KMT2C: variants seen among roughly 807,000 people sequenced by gnomAD.
KMT2C encodes histone-lysine N-methyltransferase 2C.
In KMT2C, 88 loss-of-function variants were observed where a neutral mutation model predicts 507.9. That is an observed-to-expected ratio of 0.17 (90% CI 0.15 to 0.21). KMT2C has a LOEUF of 0.21. Among genes scored for constraint, KMT2C ranks in the 10% least tolerant of loss-of-function variants. The pLI is 1.00. For missense variants in KMT2C, 4,954 were observed against 5,957.8 expected (o/e 0.83, Z 5.55); for synonymous variants, 2,049 against 2,080.8 (o/e 0.98, Z 0.42).
chr7:152,253,313 C>CA (rs760633319), intron 9 of KMT2C, among the ~76,000 whole-genome samples: 4 of 151,220 alleles, frequency 2.6e-5, no homozygotes, highest in Non-Finnish European at 5.9e-5. Context: ...ACTCAAAATT[C>CA]AAAAAAAGAA....
chr7:152,306,170 G>C (rs1986375), intron 6 of KMT2C, among the ~76,000 whole-genome samples: 1 of 152,004 alleles, frequency 6.6e-6, no homozygotes, highest in Non-Finnish European at 1.5e-5. Context: ...AGTTACTTAG[G>C]TGAGTTCTTT....
At chr7:152,221,800 C>A (rs536606690) in intron 22 of KMT2C, among the ~76,000 whole-genome samples, 2 of 152,200 alleles carry the variant, frequency 1.3e-5, no homozygotes, top group African/African-American at 4.8e-5. Context: ...TTTTTGTTGC[C>A]TACTTGCTGA....
chr7:152,137,104 C>G (rs2089942891), intron 58 of KMT2C, 180 bp from the exon 59 acceptor site: 2 of 569,046 alleles, frequency 3.5e-6, no homozygotes, highest in Admixed American at 3.1e-5. Flanking sequence ...TGTGCTTGCA[C>G]AGAGGAAATG....
chr7:152,215,721 T>C (rs576668823), intron 23 of KMT2C, among the ~76,000 whole-genome samples: 17 of 141,026 alleles, frequency 1.2e-4, no homozygotes, highest in Admixed American at 4.9e-4. Context: ...AATATATATA[T>C]ATACACACAC....
At chr7:152,145,025 C>G (rs1008340561) in intron 54 of KMT2C, 128 bp downstream of exon 54, 2 of 1,380,982 alleles carry the variant, frequency 1.4e-6, no homozygotes, top group African/African-American at 2.9e-5. Flanking sequence ...ACGGCGAGTT[C>G]TCTTATGTAG....
intron 1 of KMT2C, among the ~76,000 whole-genome samples, chr7:152,394,304 A>T (rs2097523531): frequency 1.3e-5 from 2 of 152,310 alleles, no homozygotes; most frequent in African/African-American, 2.4e-5. Flanking sequence ...AAAAGTCAAA[A>T]GATCTCACAA....
At position 152,293,053 on chromosome 7, in the gene KMT2C, T is replaced by C. The variant is rs562552223; in HGVS notation, c.849+16913A>G. Among the ~76,000 whole-genome samples the C allele has an allele frequency of 1.2e-4, 18 of 152,296 alleles. No individual in the cohort carries two copies. The South Asian group carries it at 3.1e-3, about 26-fold the overall frequency. ...TAGGAAGAGGTGGAAATAACACTTATACTACCGAATAGAAAGACTTAGTAT... is the reference window on the plus strand; with the variant it reads ...TAGGAAGAGGTGGAAATAACACTTACACTACCGAATAGAAAGACTTAGTAT... On this transcript the variant is annotated intron_variant, in intron 6 of 58. Coordinates refer to ENST00000262189, the MANE Select transcript of KMT2C (RefSeq NM_170606.3).
At chr7:152,306,718 G>A (rs1220603675) in intron 6 of KMT2C, among the ~76,000 whole-genome samples, 1 of 152,172 alleles carries the variant, frequency 6.6e-6, no homozygotes, top group Non-Finnish European at 1.5e-5. Flanking sequence ...ATCTGCAGCA[G>A]CAAAGAATGA....
chr7:152,410,590 AT>A (rs923266389), intron 1 of KMT2C, among the ~76,000 whole-genome samples: 61 of 70,370 alleles, frequency 8.7e-4, no homozygotes, highest in African/African-American at 1.3e-3. Flanking sequence ...ATAAAATAAA[AT>A]TTTTTTTAAG....
intron 16 of KMT2C, among the ~76,000 whole-genome samples, chr7:152,235,475 C>T (rs111887463): frequency 6.7e-6 from 1 of 150,126 alleles, no homozygotes; most frequent in Non-Finnish European, 1.5e-5. Flanking sequence ...AATATATTTG[C>T]AATACACATA....
chr7:152,253,981 A>G (rs2095605486), intron 9 of KMT2C, among the ~76,000 whole-genome samples: 1 of 152,158 alleles, frequency 6.6e-6, no homozygotes, highest in South Asian at 2.1e-4. Context: ...TGAATCTAAA[A>G]TATCAATAAA....
intron 22 of KMT2C, among the ~76,000 whole-genome samples, chr7:152,221,056 G>A (rs1417904077): frequency 6.6e-6 from 1 of 152,160 alleles, no homozygotes; most frequent in African/African-American, 2.4e-5. Flanking sequence ...ATGAGATCGA[G>A]ACCATGCTGG....
chr7:152,307,598 T>C (rs1341658041), intron 6 of KMT2C, among the ~76,000 whole-genome samples: 1 of 152,154 alleles, frequency 6.6e-6, no homozygotes, highest in African/African-American at 2.4e-5. Context: ...CAAATTCTAA[T>C]GCCTAAACAA....
chr7:152,289,644 T>C (rs1403965281), intron 6 of KMT2C, among the ~76,000 whole-genome samples: 3 of 152,314 alleles, frequency 2.0e-5, no homozygotes, highest in Admixed American at 1.3e-4. Flanking sequence ...ACTTAGAACA[T>C]GAGTGGACAA....
At chr7:152,364,129 AAAAT>A (rs746973907) in intron 1 of KMT2C, among the ~76,000 whole-genome samples, 15 of 152,234 alleles carry the variant, frequency 9.9e-5, no homozygotes, top group African/African-American at 2.4e-4. Context: ...CTGTATGAAA[AAAAT>A]AAATAAGTCT....
At chr7:152,322,969 G>GT (rs2096785726) in intron 3 of KMT2C, among the ~76,000 whole-genome samples, 1 of 151,896 alleles carries the variant, frequency 6.6e-6, no homozygotes, top group African/African-American at 2.4e-5. Context: ...TATATATCAC[G>GT]TAACACCTGG....
intron 1 of KMT2C, among the ~76,000 whole-genome samples, chr7:152,400,008 CAAAG>C (rs1326467192): frequency 6.6e-6 from 1 of 151,840 alleles, no homozygotes; most frequent in Non-Finnish European, 1.5e-5. Context: ...ATAGAGAAAA[CAAAG>C]AAAAGATCAC....
chr7:152,379,729 C>T (rs1337525068), intron 1 of KMT2C, among the ~76,000 whole-genome samples: 2 of 4,094 alleles, frequency 4.9e-4, no homozygotes, highest in African/African-American at 1.7e-3. Flanking sequence ...AAGACTCCAT[C>T]AAAAAAGACA....
At position 152,371,117 on chromosome 7, in the gene KMT2C, T is replaced by G. The variant is rs184211041; in HGVS notation, c.162-12442A>C. ...TCAAATTCAGAATACTCCAATACTG[T>G]AATGGTGGTACCTAAATCAGATTTA... On this transcript the variant is annotated intron_variant, in intron 1 of 58. Transcript: ENST00000262189. Among the ~76,000 whole-genome samples, 79 of 152,308 alleles carry G rather than the reference T, an allele frequency of 5.2e-4. No individual in the cohort carries two copies. The South Asian group carries it at 0.011, about 20-fold the overall frequency.
Sources: allele counts gnomAD v4.1 joint callset (sites outside exome capture counted in the v4.1 genomes callset), GRCh38; gene constraint gnomAD v4.1.1; transcripts MANE v1.5; gene names NCBI Gene and HGNC (gene_info 2026-07-23, HGNC 2026-07-21).